OCEL1: variants seen among roughly 807,000 people sequenced by gnomAD.
OCEL1 encodes the protein occludin/ELL domain containing 1.
A neutral mutation model predicts 29.4 loss-of-function variants in OCEL1; 24 were observed. That is an observed-to-expected ratio of 0.82 (90% CI 0.59 to 1.15). The LOEUF (loss-of-function observed/expected upper bound fraction) is 1.15, where lower values mean the gene tolerates loss of function less well. OCEL1 is among the 50% of genes most tolerant of loss of function. The pLI is 0.00. For synonymous variants in OCEL1, 172 were observed against 145.3 expected (o/e 1.18, Z -1.32); for missense variants, 402 against 352.5 (o/e 1.14, Z -1.13).
chr19:17,228,695 T>C (rs976411171), intron 5 of OCEL1, 108 bp from the exon 6 acceptor site: 1 of 1,488,574 alleles, frequency 6.7e-7, no homozygotes, highest in Non-Finnish European at 9.0e-7. Flanking sequence ...CTGTGCCCAG[T>C]TTCAAGGAGA....
chr19:17,228,719 C>T (rs752354074), intron 5 of OCEL1, 84 bp from the exon 6 acceptor site: 2 of 1,535,048 alleles, frequency 1.3e-6, no homozygotes, highest in Non-Finnish European at 1.8e-6. Flanking sequence ...AATTGAGGCT[C>T]GGAGAATGAA....
chr19:17,226,560 T>C, intron 1 of OCEL1, 133 bp from the exon 2 acceptor site: 1 of 1,051,948 alleles, frequency 9.5e-7, no homozygotes, highest in Non-Finnish European at 1.3e-6. Flanking sequence ...CGCGTGCGTC[T>C]ATGCAAATAG....
In OCEL1 at chr19:17,226,289, A is replaced by G. The variant is rs749020514; in HGVS notation, c.42A>G (p.Pro14=). ...PDGSASPTAD[P]GSELQTLGQA... ...GAAGTGCCTCTCCGACAGCAGATCC[A>G]GGCTCGGAGCTCCAGACGCTGGGAC... The change falls in exon 1 of 6, where the codon CCA becomes CCG. Residue 14 remains proline, a synonymous_variant. Transcript: ENST00000215061. 1 of 1,612,326 alleles carries G rather than the reference A, an allele frequency of 6.2e-7. No homozygotes were observed. The highest frequency in any genetic ancestry group is 8.5e-7 in the Non-Finnish European group (1 of 1,179,552).
At position 17,228,183 on chromosome 19, in the gene OCEL1, C is replaced by G. The variant is rs546446845; in HGVS notation, c.619-73C>G. On this transcript the variant is annotated intron_variant, in intron 4 of 5. Coordinates refer to ENST00000215061, the MANE Select transcript of OCEL1 (RefSeq NM_024578.3). ...CCCACTAGATGGGCATTTAGTCTGT[C>G]TGAGCCTCAGTTTCTTCATCCCTTC... 12 of 1,583,984 alleles carry G rather than the reference C, an allele frequency of 7.6e-6. No homozygotes were observed. The African/African-American group carries it at 1.5e-4, about 20-fold the overall frequency.
rs569856126 is a variant in OCEL1 at position 17,227,989 on chromosome 19, C to A, written c.602C>A (p.Pro201His). Residue 201 changes from proline to histidine, a missense_variant, in exon 4 of 6, where the codon CCC (proline) becomes CAC (histidine). Pro to His is a moderately conservative substitution (Grantham distance 77). Coordinates refer to ENST00000215061, the MANE Select transcript of OCEL1 (RefSeq NM_024578.3). Reference protein sequence around the residue: ...RQLEALLSSLPPPQSQKEAQV... With the variant: ...RQLEALLSSLHPPQSQKEAQV... ...CTGGAGGCCCTGCTGAGCTCCCTGC[C>A]CCCACCCCAAAGCCAGGTCAGCACT... The A allele has an allele frequency of 6.2e-6, 10 of 1,612,094 alleles. No homozygotes were observed. The South Asian group carries it at 8.8e-5, about 14-fold the overall frequency.
At position 17,229,108 on chromosome 19, in the gene OCEL1, C is replaced by T; in HGVS notation, c.*183C>T. 1 of 570,606 alleles carries T rather than the reference C, an allele frequency of 1.8e-6. No homozygotes were observed. The highest frequency in any genetic ancestry group is 3.0e-6 in the Non-Finnish European group (1 of 334,624). The allele number at this position is 570,606 out of a possible 1,614,324, so 35.3% of individuals were successfully genotyped here. ...CCTCCAGGAAGGCCTTCCAGGACTTCCTCCTCTGGGTCCTCTAGCTCTGAC... is the reference window on the plus strand; with the variant it reads ...CCTCCAGGAAGGCCTTCCAGGACTTTCTCCTCTGGGTCCTCTAGCTCTGAC... On this transcript the variant is annotated 3_prime_UTR_variant, in exon 6 of 6. Coordinates refer to ENST00000215061, the MANE Select transcript of OCEL1 (RefSeq NM_024578.3).
intron 3 of OCEL1, 147 bp downstream of exon 3, chr19:17,227,346 G>GC (rs1323486035): frequency 9.6e-6 from 6 of 625,168 alleles, no homozygotes; most frequent in Non-Finnish European, 1.4e-5. Flanking sequence ...CTGTGAATAA[G>GC]CCACTGCACT....
Position 17,228,813 on chromosome 19 carries a change from T to C in OCEL1, c.683T>C (p.Phe228Ser), listed in dbSNP as rs1325268112. 6.2e-7 allele frequency: 1 copy of C among 1,613,332 alleles called. No individual in the cohort carries two copies. The highest frequency in any genetic ancestry group is 8.5e-7 in the Non-Finnish European group (1 of 1,179,868). Residue 228 changes from phenylalanine (F) to serine (S), a missense_variant, in exon 6 of 6, where the codon TTC becomes TCC. Coordinates refer to ENST00000215061, the MANE Select transcript of OCEL1 (RefSeq NM_024578.3). ...EFEMKRMDPG[F>S]LDKQARCHYL... ...TCTCGCCCTGCCTAGGATCCTGGCTTCCTGGACAAGCAGGCTCGCTGCCAC... is the reference window on the plus strand; with the variant it reads ...TCTCGCCCTGCCTAGGATCCTGGCTCCCTGGACAAGCAGGCTCGCTGCCAC...
At chr19:17,228,083 C>T (rs1420370675) in intron 4 of OCEL1, 78 bp downstream of exon 4, 22 of 1,566,570 alleles carry the variant, frequency 1.4e-5, no homozygotes, top group Non-Finnish European at 1.8e-5. Context: ...CCCACTGGGT[C>T]CAGATTTCCA....
In OCEL1 at chr19:17,226,339, C is replaced by G. The variant is rs751413818; in HGVS notation, c.69+23C>G. 3.1e-6 allele frequency: 5 copies of G among 1,607,100 alleles called. No homozygotes were observed. The South Asian group carries it at 5.6e-5, about 18-fold the overall frequency. ...CAGGTGACCCGGGGCGGTAGCGAGC[C>G]GGACGGCCTTGCAGGTGGGGCGGAG... is the stretch of plus-strand genomic sequence containing the variant. On this transcript the variant is annotated intron_variant, in intron 1 of 5. Transcript: ENST00000215061.
chr19:17,229,091 A>G lies in OCEL1; in HGVS notation c.*166A>G, dbSNP rs2073390557. On this transcript the variant is annotated 3_prime_UTR_variant, in exon 6 of 6. Coordinates refer to ENST00000215061, the MANE Select transcript of OCEL1 (RefSeq NM_024578.3). ...CAGCTCTGACAGCCCCTCCTCCAGG[A>G]AGGCCTTCCAGGACTTCCTCCTCTG... 1.4e-6 allele frequency: 1 copy of G among 698,944 alleles called. No individual in the cohort carries two copies. Among genetic ancestry groups the G allele is most frequent in the Non-Finnish European group, 2.2e-6 (1 of 446,910 alleles). 43.3% of individuals were successfully genotyped at this position (698,944 alleles called of 1,614,324 possible).
rs1225541175 is a variant in OCEL1 at position 17,229,137 on chromosome 19, A to G, written c.*212A>G. 1 of 460,638 alleles carries G rather than the reference A, an allele frequency of 2.2e-6. No individual in the cohort carries two copies. Among genetic ancestry groups the G allele is most frequent in the Non-Finnish European group, 4.0e-6 (1 of 252,184 alleles). The allele number at this position is 460,638 out of a possible 1,614,324, so 28.5% of individuals were successfully genotyped here. A position where few individuals can be genotyped will look rare whatever the true frequency, so the allele number is the denominator to read the frequency against. On this transcript the variant is annotated 3_prime_UTR_variant, in exon 6 of 6. Coordinates refer to ENST00000215061, the MANE Select transcript of OCEL1 (RefSeq NM_024578.3). Reference sequence around the variant, plus strand: ...CTCTGGGTCCTCTAGCTCTGACCCTACAGGGACTCCAGATCTCAACCTGTT... The same window carrying G: ...CTCTGGGTCCTCTAGCTCTGACCCTGCAGGGACTCCAGATCTCAACCTGTT...
In OCEL1 at chr19:17,229,210, T is replaced by TA. The variant is rs570122794; in HGVS notation, c.*286dup. ...CCATCCCAGTGAAATAAACATGTAT[T>TA]AGACACCTACTGAGTATAATTACTT... On this transcript the variant is annotated 3_prime_UTR_variant, in exon 6 of 6. Coordinates refer to ENST00000215061, the MANE Select transcript of OCEL1 (RefSeq NM_024578.3). 1 of 274,380 alleles carries TA rather than the reference T, an allele frequency of 3.6e-6. No homozygotes were observed. Among genetic ancestry groups the TA allele is most frequent in the Non-Finnish European group, 7.2e-6 (1 of 138,596 alleles). The allele number at this position is 274,380 out of a possible 1,614,324, so 17.0% of individuals were successfully genotyped here. A position where few individuals can be genotyped will look rare whatever the true frequency, so the allele number is the denominator to read the frequency against.
rs150722930 is a variant in OCEL1, at chr19:17,226,294, C to T, written c.47C>T (p.Ser16Leu). 150 of 1,612,314 alleles carry T rather than the reference C, an allele frequency of 9.3e-5. No homozygotes were observed. The African/African-American group carries it at 1.6e-3, about 18-fold the overall frequency. Reference sequence around the variant, plus strand: ...GCCTCTCCGACAGCAGATCCAGGCTCGGAGCTCCAGACGCTGGGACAGGTG... The same window carrying T: ...GCCTCTCCGACAGCAGATCCAGGCTTGGAGCTCCAGACGCTGGGACAGGTG... Reference protein sequence around the residue: ...GSASPTADPGSELQTLGQAAR... With the variant: ...GSASPTADPGLELQTLGQAAR... Residue 16 changes from serine to leucine, a missense_variant, in exon 1 of 6, where the codon TCG (serine) becomes TTG (leucine). By Grantham distance (145) the Ser-to-Leu change is moderately radical (BLOSUM62 -2). Coordinates refer to ENST00000215061, the MANE Select transcript of OCEL1 (RefSeq NM_024578.3).
Position 17,227,994 on chromosome 19 carries a change from C to T in OCEL1, c.607C>T (p.Pro203Ser). The change falls in exon 4 of 6, where the codon CCC (proline) becomes TCC (serine). Residue 203 changes from proline to serine, a missense_variant. Physicochemically the swap from Pro to Ser is moderately conservative, Grantham distance 74. Transcript: ENST00000215061. ...LEALLSSLPP[P>S]QSQKEAQVAA... is the part of the protein sequence containing the mutation. ...GGCCCTGCTGAGCTCCCTGCCCCCA[C>T]CCCAAAGCCAGGTCAGCACTAGGGA... The T allele has an allele frequency of 6.2e-7, 1 of 1,612,014 alleles. No homozygotes were observed. The highest frequency in any genetic ancestry group is 1.1e-5 in the South Asian group (1 of 90,992).
chr19:17,228,257 A>G lies in OCEL1; in HGVS notation c.620A>G (p.Lys207Arg). ...LSSLPPPQSQ[K>R]EAQVAARVWR... is the part of the protein sequence containing the mutation. ...CCCTTTCTACTCCTCCCCTTGCAGAAGGAGGCCCAAGTTGCAGCCCGGGTT... is the reference window on the plus strand; with the variant it reads ...CCCTTTCTACTCCTCCCCTTGCAGAGGGAGGCCCAAGTTGCAGCCCGGGTT... Residue 207 changes from lysine to arginine, a missense_variant and splice_region_variant, in exon 5 of 6, where the codon AAG becomes AGG. Coordinates refer to ENST00000215061, the MANE Select transcript of OCEL1 (RefSeq NM_024578.3). The G allele has an allele frequency of 6.2e-7, 1 of 1,614,054 alleles. No homozygotes were observed. Among genetic ancestry groups the G allele is most frequent in the Non-Finnish European group, 8.5e-7 (1 of 1,179,978 alleles).
In OCEL1 at chr19:17,227,132, A is replaced by C; in HGVS notation, c.385A>C (p.Lys129Gln). The C allele has an allele frequency of 6.3e-7, 1 of 1,599,598 alleles. No individual in the cohort carries two copies. The highest frequency in any genetic ancestry group is 8.5e-7 in the Non-Finnish European group (1 of 1,176,026). ...ELLSQALLGA[K>Q]KPIGAIPKGH... ...GCTCTCCCAGGCCCTCCTGGGCGCCAAGAAGCCTATTGGAGCCATCCCTAA... is the reference window on the plus strand; with the variant it reads ...GCTCTCCCAGGCCCTCCTGGGCGCCCAGAAGCCTATTGGAGCCATCCCTAA... Residue 129 changes from lysine (K) to glutamine (Q), a missense_variant, in exon 3 of 6, where the codon AAG becomes CAG. Physicochemically the swap from Lys to Gln is moderately conservative, Grantham distance 53. Coordinates refer to ENST00000215061, the MANE Select transcript of OCEL1 (RefSeq NM_024578.3).
In OCEL1 at chr19:17,229,072, T is replaced by C. The variant is rs2073390329; in HGVS notation, c.*147T>C. On this transcript the variant is annotated 3_prime_UTR_variant, in exon 6 of 6. Coordinates refer to ENST00000215061, the MANE Select transcript of OCEL1 (RefSeq NM_024578.3). Reference sequence around the variant, plus strand: ...TGCCTCTTCAGTTTGGACTCAGCTCTGACAGCCCCTCCTCCAGGAAGGCCT... The same window carrying C: ...TGCCTCTTCAGTTTGGACTCAGCTCCGACAGCCCCTCCTCCAGGAAGGCCT... 1.2e-6 allele frequency: 1 copy of C among 860,020 alleles called. No homozygotes were observed. The highest frequency in any genetic ancestry group is 1.7e-6 in the Non-Finnish European group (1 of 585,414). 53.3% of individuals were successfully genotyped at this position (860,020 alleles called of 1,614,324 possible).
chr19:17,229,094 G>T lies in OCEL1; in HGVS notation c.*169G>T. 1 of 664,366 alleles carries T rather than the reference G, an allele frequency of 1.5e-6. No homozygotes were observed. The highest frequency in any genetic ancestry group is 2.4e-6 in the Non-Finnish European group (1 of 415,946). 41.2% of individuals were successfully genotyped at this position (664,366 alleles called of 1,614,324 possible). A position where few individuals can be genotyped will look rare whatever the true frequency, so the allele number is the denominator to read the frequency against. On this transcript the variant is annotated 3_prime_UTR_variant, in exon 6 of 6. Transcript: ENST00000215061. ...CTCTGACAGCCCCTCCTCCAGGAAG[G>T]CCTTCCAGGACTTCCTCCTCTGGGT...
Sources: gnomAD v4.1 joint callset for allele counts on GRCh38, gnomAD v4.1.1 for gene constraint, MANE v1.5 for transcripts, NCBI Gene and HGNC (gene_info 2026-07-23, HGNC 2026-07-21) for gene names.